The following TBC1D15 variants were observed in gnomAD, a reference collection of about 807,000 sequenced individuals.
TBC1D15 encodes GAP for RAB7.
TBC1D15 carries 39 observed loss-of-function variants against 95.4 expected under a neutral mutation model. The observed-to-expected ratio is 0.41, with a 90% CI of 0.32 to 0.53. The LOEUF is 0.53. Ranked by LOEUF, TBC1D15 falls within the 20% of genes least tolerant of loss-of-function variation. TBC1D15 has a pLI of 0.29. For synonymous variants in TBC1D15, 258 were observed against 261.3 expected, an observed-to-expected ratio of 0.99 and a Z score of 0.12; for missense variants, 733 against 794.3, an observed-to-expected ratio of 0.92 and a Z score of 0.93.
intron 12 of TBC1D15, among the ~76,000 whole-genome samples, chr12:71,914,561 CTT>C (rs1454438877): frequency 6.6e-6 from 1 of 151,868 alleles, no homozygotes; most frequent in Non-Finnish European, 1.5e-5. Flanking sequence ...AGAAAAGTCT[CTT>C]CAAGCAATCT....
At chr12:71,896,824 AC>A in intron 9 of TBC1D15, 44 bp downstream of exon 9, 1 of 1,471,174 alleles carries the variant, frequency 6.8e-7, no homozygotes. Context: ...GATTCAAGTA[AC>A]CCACTCATAC....
chr12:71,918,325 C>T (rs1283638216), intron 13 of TBC1D15, 126 bp from the exon 14 acceptor site: 5 of 532,976 alleles, frequency 9.4e-6, no homozygotes, highest in East Asian at 6.1e-5. Flanking sequence ...GATTCCTTAA[C>T]GTAGAAGACA....
intron 4 of TBC1D15, among the ~76,000 whole-genome samples, chr12:71,881,275 G>A (rs987019181): frequency 6.6e-6 from 1 of 152,078 alleles, no homozygotes; most frequent in Non-Finnish European, 1.5e-5. Context: ...AGTTGCCTGT[G>A]GTATTCAGTA....
chr12:71,889,027 A>G (rs751835181), intron 5 of TBC1D15, among the ~76,000 whole-genome samples: 33 of 152,238 alleles, frequency 2.2e-4, no homozygotes, highest in Middle Eastern at 3.4e-3. Flanking sequence ...GTATATTAGG[A>G]TAATATGTAA....
chr12:71,904,451 GA>G (rs1900186509), intron 10 of TBC1D15, among the ~76,000 whole-genome samples: 2 of 152,194 alleles, frequency 1.3e-5, no homozygotes, highest in Non-Finnish European at 1.5e-5. Flanking sequence ...GTAGGATTAA[GA>G]AAGGTTTTTA....
rs371046259 is a variant in TBC1D15, at chr12:71,871,619, A to AT, written c.31-449dup. Among the ~76,000 whole-genome samples, 11 of 152,204 alleles carry AT rather than the reference A, an allele frequency of 7.2e-5. No homozygotes were observed. In the East Asian group the frequency reaches 2.1e-3, roughly 29 times the overall value. The stretch of plus-strand genomic sequence containing the variant: ...TTTTATAGAGATGAGTTCTTGCAGT[A>AT]TTGTCCAGGCTGGAGTGCAGTGGCT... On this transcript the variant is annotated intron_variant, in intron 1 of 16. Transcript: ENST00000485960.
At chr12:71,888,830 C>T (rs181659398) in intron 5 of TBC1D15, among the ~76,000 whole-genome samples, 8 of 150,062 alleles carry the variant, frequency 5.3e-5, no homozygotes, top group African/African-American at 2.0e-4. Flanking sequence ...ATAGAATGTT[C>T]CTTATACATG....
At chr12:71,864,088 A>G (rs1399912421) in intron 1 of TBC1D15, among the ~76,000 whole-genome samples, 18 of 147,568 alleles carry the variant, frequency 1.2e-4, no homozygotes, top group Non-Finnish European at 2.4e-4. Context: ...TTTTTTTTTG[A>G]GACGGAGTTT....
chr12:71,848,535 GTGTT>G (rs1391815575), intron 1 of TBC1D15, among the ~76,000 whole-genome samples: 2 of 151,780 alleles, frequency 1.3e-5, no homozygotes, highest in Non-Finnish European at 2.9e-5. Context: ...TTTTCAAACT[GTGTT>G]TTTTTGTCAC....
intron 4 of TBC1D15, among the ~76,000 whole-genome samples, chr12:71,881,985 AG>A (rs1234423713): frequency 2.7e-5 from 4 of 149,358 alleles, no homozygotes; most frequent in African/African-American, 9.8e-5. Flanking sequence ...TCTAAGCTTG[AG>A]GGTTTATTTT....
intron 14 of TBC1D15, 31 bp from the exon 15 acceptor site, chr12:71,920,700 A>C: frequency 1.3e-6 from 2 of 1,499,776 alleles, no homozygotes; most frequent in South Asian, 1.1e-5. Flanking sequence ...AATTGATACA[A>C]TTTGCAAAAT....
At position 71,907,021 on chromosome 12, in the gene TBC1D15, G is replaced by C; in HGVS notation, c.1184-1G>C. 6.3e-7 allele frequency: 1 copy of C among 1,578,858 alleles called. No homozygotes were observed. Among genetic ancestry groups the C allele is most frequent in the Non-Finnish European group, 8.6e-7 (1 of 1,163,424 alleles). ...AAATATGTGATGATTTTCCTCTTCAGAAAAAGATGTTAACAGAACAGATCG... is the reference window on the plus strand; with the variant it reads ...AAATATGTGATGATTTTCCTCTTCACAAAAAGATGTTAACAGAACAGATCG... On this transcript the variant is annotated splice_acceptor_variant, in intron 10 of 16. Transcript: ENST00000485960. LOFTEE classifies it high-confidence loss of function.
intron 16 of TBC1D15, among the ~76,000 whole-genome samples, chr12:71,922,575 T>C (rs1171451691): frequency 6.6e-6 from 1 of 152,226 alleles, no homozygotes; most frequent in Non-Finnish European, 1.5e-5. Context: ...GGTTCAGTTC[T>C]ACAAACATTT....
chr12:71,891,254 G>T (rs931080716), intron 5 of TBC1D15, among the ~76,000 whole-genome samples: 1 of 152,110 alleles, frequency 6.6e-6, no homozygotes, highest in East Asian at 1.9e-4. Flanking sequence ...TTTGGGACAG[G>T]CTCACACCAA....
chr12:71,896,573 A>T, intron 8 of TBC1D15, 104 bp from the exon 9 acceptor site: 1 of 895,366 alleles, frequency 1.1e-6, no homozygotes, highest in Non-Finnish European at 1.7e-6. Context: ...ACATATATGA[A>T]ACTACCTCTT....
At chr12:71,874,064 G>A (rs539759144) in intron 3 of TBC1D15, among the ~76,000 whole-genome samples, 13 of 152,230 alleles carry the variant, frequency 8.5e-5, no homozygotes, top group Non-Finnish European at 1.9e-4. Context: ...TAGTCATATT[G>A]GATTAGGGCC....
At chr12:71,849,385 C>T in intron 1 of TBC1D15, 3 of 1,391,596 alleles carry the variant, frequency 2.2e-6, no homozygotes, top group Non-Finnish European at 3.1e-6. Context: ...CAGGCGCCTC[C>T]AGCTGAGCCA....
At chr12:71,913,634 C>A in intron 11 of TBC1D15, 192 bp from the exon 12 acceptor site, 1 of 485,170 alleles carries the variant, frequency 2.1e-6, no homozygotes, top group Non-Finnish European at 3.6e-6. Context: ...TAAAACAACT[C>A]ATCTTTCTTA....
chr12:71,859,290 T>TG (rs569781956), intron 1 of TBC1D15, among the ~76,000 whole-genome samples: 36 of 151,234 alleles, frequency 2.4e-4, no homozygotes, highest in Non-Finnish European at 4.3e-4. Context: ...ATTTTGAAAT[T>TG]GGAGTATTTT....
Sources: gnomAD v4.1 joint callset for allele counts (sites outside exome capture counted in the v4.1 genomes callset) on GRCh38, gnomAD v4.1.1 for gene constraint, MANE v1.5 for transcripts, NCBI Gene and HGNC (gene_info 2026-07-23, HGNC 2026-07-21) for gene names.